Variants in C10orf67 observed in about 807,000 individuals in gnomAD.
The protein encoded by C10orf67 is uncharacterized protein C10orf67, mitochondrial.
C10orf67 carries 60 observed loss-of-function variants against 35.6 expected under a neutral mutation model. The observed-to-expected ratio is 1.68, with a 90% CI of 1.37 to 2.09. C10orf67 has a LOEUF of 2.09. Ranked by LOEUF, C10orf67 falls within the 30% of genes most tolerant of loss-of-function variation. The probability of loss-of-function intolerance (pLI) is 0.00; values close to 1 mark genes in which losing one functional copy is unlikely to be tolerated. For missense variants in C10orf67, 474 were observed against 330.2 expected, an observed-to-expected ratio of 1.44 and a Z score of -3.38; for synonymous variants, 167 against 115.8, an observed-to-expected ratio of 1.44 and a Z score of -2.84.
intron 12 of C10orf67, among the ~76,000 whole-genome samples, chr10:23,243,103 A>G (rs1428837893): frequency 2.6e-5 from 4 of 152,206 alleles, no homozygotes; most frequent in Non-Finnish European, 5.9e-5. Flanking sequence ...ATTACTAAAG[A>G]TAAAAGCATT....
intron 2 of C10orf67, among the ~76,000 whole-genome samples, chr10:23,328,685 T>TAAAA (rs57874839): frequency 1.4e-5 from 2 of 138,110 alleles, no homozygotes; most frequent in Admixed American, 1.4e-4. Context: ...CTCAAGAGAT[T>TAAAA]AAAAAAAAAA....
intron 12 of C10orf67, among the ~76,000 whole-genome samples, chr10:23,249,155 A>G (rs1210788906): frequency 6.6e-6 from 1 of 150,468 alleles, no homozygotes; most frequent in South Asian, 2.1e-4. Context: ...AAAAAAAAAA[A>G]AAAAAGAAAA....
intron 5 of C10orf67, among the ~76,000 whole-genome samples, chr10:23,293,884 A>G (rs1445564712): frequency 6.6e-6 from 1 of 152,226 alleles, no homozygotes; most frequent in Admixed American, 6.5e-5. Flanking sequence ...CCTCAGCATC[A>G]CCTGGGAACT....
chr10:23,321,899 G>A (rs112708681), intron 3 of C10orf67, among the ~76,000 whole-genome samples: 194 of 152,212 alleles, frequency 1.3e-3, no homozygotes, highest in African/African-American at 4.5e-3. Context: ...TGATTCCCCT[G>A]TCTCAGACTC....
intron 8 of C10orf67, among the ~76,000 whole-genome samples, chr10:23,276,886 G>A (rs985047644): frequency 7.9e-5 from 12 of 152,134 alleles, no homozygotes; most frequent in African/African-American, 2.9e-4. Flanking sequence ...CATGCTAATA[G>A]CGATGTGCCA....
intron 8 of C10orf67, among the ~76,000 whole-genome samples, chr10:23,274,138 C>G (rs1308805346): frequency 6.6e-6 from 1 of 152,034 alleles, no homozygotes; most frequent in Non-Finnish European, 1.5e-5. Context: ...TCACAGAGAT[C>G]ACACGCTTCA....
chr10:23,340,062 C>T (rs528842787), intron 1 of C10orf67, among the ~76,000 whole-genome samples: 1 of 152,184 alleles, frequency 6.6e-6, no homozygotes, highest in Admixed American at 6.5e-5. Flanking sequence ...TTCTTCTGTT[C>T]CTTCCCATTT....
In C10orf67 at chr10:23,289,939, C is replaced by T. The variant is rs1474630212; in HGVS notation, c.870G>A (p.Met290Ile). 1.4e-6 allele frequency: 1 copy of T among 717,178 alleles called. No homozygotes were observed. The highest frequency in any genetic ancestry group is 2.6e-6 in the Non-Finnish European group (1 of 384,938). The allele number at this position is 717,178 out of a possible 1,614,324, so 44.4% of individuals were successfully genotyped here. A position where few individuals can be genotyped will look rare whatever the true frequency, so the allele number is the denominator to read the frequency against. ...TGTGATCCTTTTCTGCCATCTCTTT[C>T]ATACTTATAAGTTCATCTTCTGTAA... is the stretch of plus-strand genomic sequence containing the variant. Reference protein sequence around the residue: ...NSGLEDELISMKEMAEKDHKT... With the variant: ...NSGLEDELISIKEMAEKDHKT... The change falls in exon 7 of 16, where the codon ATG becomes ATA. Residue 290 changes from methionine to isoleucine, a missense_variant. By Grantham distance (10) the Met-to-Ile change is conservative. Transcript: ENST00000636213.
chr10:23,232,320 C>T (rs996686629), intron 13 of C10orf67, among the ~76,000 whole-genome samples: 2 of 152,082 alleles, frequency 1.3e-5, no homozygotes, highest in Non-Finnish European at 2.9e-5. Flanking sequence ...GAATGGGGAA[C>T]CTTACTCCCT....
chr10:23,251,606 G>T (rs1167784754), intron 10 of C10orf67, among the ~76,000 whole-genome samples: 1 of 152,156 alleles, frequency 6.6e-6, no homozygotes, highest in Non-Finnish European at 1.5e-5. Flanking sequence ...GAGGCAATCA[G>T]GTCTTCTGTC....
In C10orf67 at chr10:23,230,538, G is replaced by T. The variant is rs142463687; in HGVS notation, c.1435-6720C>A. On this transcript the variant is annotated intron_variant, in intron 13 of 15. Coordinates refer to ENST00000636213, the MANE Select transcript of C10orf67 (RefSeq NM_001371909.1). ...TAAAAACTTAATCCACAAACTGAAA[G>T]AAGACATTTGCAATACATATAACTG... Among the ~76,000 whole-genome samples the T allele has an allele frequency of 7.4e-3, 1,125 of 152,150 alleles. 30 individuals are homozygous for T. Among genetic ancestry groups the T allele is most frequent in the Non-Finnish European group, 5.7e-3 (385 of 67,988 alleles).
chr10:23,212,810 A>AGAGAGAGAGAGG, intron 15 of C10orf67, among the ~76,000 whole-genome samples: 1 of 151,628 alleles, frequency 6.6e-6, no homozygotes, highest in Non-Finnish European at 1.5e-5. Context: ...AGAGAGAGAG[A>AGAGAGAGAGAGG]GAGAGAGAGA....
At chr10:23,246,327 T>C (rs1192011379) in intron 12 of C10orf67, among the ~76,000 whole-genome samples, 1 of 152,128 alleles carries the variant, frequency 6.6e-6, no homozygotes, top group East Asian at 1.9e-4. Context: ...GTAACAAACC[T>C]GCACACATAT....
intron 13 of C10orf67, among the ~76,000 whole-genome samples, chr10:23,224,477 C>T (rs976709330): frequency 3.3e-5 from 5 of 152,330 alleles, no homozygotes; most frequent in South Asian, 4.1e-4. Context: ...GCTCCTCTCC[C>T]CCTCCAAAGG....
intron 4 of C10orf67, among the ~76,000 whole-genome samples, chr10:23,305,692 G>A (rs72788408): frequency 6.6e-6 from 1 of 152,256 alleles, no homozygotes; most frequent in Non-Finnish European, 1.5e-5. Context: ...ATTGGCAACG[G>A]TATGGAGAAA....
chr10:23,235,012 C>CA (rs57049730), intron 13 of C10orf67, among the ~76,000 whole-genome samples: 33,567 of 75,618 alleles, frequency 0.44, 7,078 homozygotes, highest in Non-Finnish European at 0.54. Context: ...AATTCCATCT[C>CA]AAAAAAAAAA....
At chr10:23,257,711 G>A (rs1216010541) in intron 10 of C10orf67, among the ~76,000 whole-genome samples, 1 of 152,128 alleles carries the variant, frequency 6.6e-6, no homozygotes, top group African/African-American at 2.4e-5. Flanking sequence ...GCTGAGGTGG[G>A]AGGATGGCCT....
At chr10:23,339,251 C>T (rs943328465) in intron 1 of C10orf67, among the ~76,000 whole-genome samples, 4 of 152,054 alleles carry the variant, frequency 2.6e-5, no homozygotes, top group African/African-American at 4.8e-5. Flanking sequence ...ACTCTACTGG[C>T]TGAAGTGGAT....
chr10:23,249,718 A>G (rs1356516580), intron 12 of C10orf67, among the ~76,000 whole-genome samples: 1 of 152,228 alleles, frequency 6.6e-6, no homozygotes, highest in Non-Finnish European at 1.5e-5. Flanking sequence ...GTAAGCTTCA[A>G]GTTTGACCTC....
Sources: gnomAD v4.1 joint callset for allele counts (sites outside exome capture counted in the v4.1 genomes callset) on GRCh38, gnomAD v4.1.1 for gene constraint, MANE v1.5 for transcripts, NCBI Gene and HGNC (gene_info 2026-07-23, HGNC 2026-07-21) for gene names.